The following ANKRD6 variants were observed in gnomAD, a reference collection of about 807,000 sequenced individuals.
ANKRD6 encodes the protein ankyrin repeat domain 6, also known as ankyrin repeat domain-containing protein 6.
Under a neutral mutation model 82.3 loss-of-function variants are expected in ANKRD6, and 56 were observed. That is an observed-to-expected ratio of 0.68 (90% CI 0.55 to 0.85). The LOEUF is 0.85. Ranked by LOEUF, ANKRD6 falls within the 40% of genes least tolerant of loss-of-function variation. The pLI is 0.00. For missense variants in ANKRD6, 852 were observed against 907.6 expected, an observed-to-expected ratio of 0.94 and a Z score of 0.79; for synonymous variants, 347 against 352.1, an observed-to-expected ratio of 0.99 and a Z score of 0.16.
rs529180254 is a variant in ANKRD6 at position 89,556,147 on chromosome 6, T to A, written c.-143-10687T>A. ...CACAGTGGCAGTGGCTCCTACTGCA[T>A]TGCAGCTCAGCTGTCTGTTCTCAAC... On this transcript the variant is annotated intron_variant, in intron 1 of 15. Transcript: ENST00000339746. Among the ~76,000 whole-genome samples, 5 of 152,360 alleles carry A rather than the reference T, an allele frequency of 3.3e-5. No individual in the cohort carries two copies. In the East Asian group the frequency reaches 7.7e-4, roughly 23 times the overall value.
At chr6:89,585,306 C>T (rs949613301) in intron 2 of ANKRD6, among the ~76,000 whole-genome samples, 9 of 152,176 alleles carry the variant, frequency 5.9e-5, no homozygotes, top group African/African-American at 1.9e-4. Flanking sequence ...AGGAACAAGA[C>T]AGGGTGTCTG....
chr6:89,607,712 A>G (rs558019944), intron 5 of ANKRD6, among the ~76,000 whole-genome samples: 1 of 151,090 alleles, frequency 6.6e-6, no homozygotes, highest in African/African-American at 2.4e-5. Flanking sequence ...CTGGAGTGCA[A>G]TGGCACACTG....
At chr6:89,575,754 T>G (rs901659613) in intron 2 of ANKRD6, among the ~76,000 whole-genome samples, 2 of 152,176 alleles carry the variant, frequency 1.3e-5, no homozygotes, top group Admixed American at 1.3e-4. Flanking sequence ...AAGTGACTTG[T>G]TCAAATAGGG....
intron 1 of ANKRD6, among the ~76,000 whole-genome samples, chr6:89,564,146 A>G (rs1787979087): frequency 6.6e-6 from 1 of 152,142 alleles, no homozygotes; most frequent in African/African-American, 2.4e-5. Context: ...TAGGAATTGG[A>G]AAGCTGGGGT....
chr6:89,463,647 C>A (rs1774477396), intron 1 of ANKRD6, among the ~76,000 whole-genome samples: 1 of 152,104 alleles, frequency 6.6e-6, no homozygotes, highest in Non-Finnish European at 1.5e-5. Flanking sequence ...CTCCTGGGTT[C>A]AAGCAATTCT....
At position 89,616,527 on chromosome 6, in the gene ANKRD6, T is replaced by G. The variant is rs773242996; in HGVS notation, c.616-32T>G. On this transcript the variant is annotated intron_variant, in intron 7 of 15. Transcript: ENST00000339746. ...CTGGGGGCTGTAGGCCATGAGCAGATGAGGTTTAGCAGACCTTCTAATCAA... is the reference window on the plus strand; with the variant it reads ...CTGGGGGCTGTAGGCCATGAGCAGAGGAGGTTTAGCAGACCTTCTAATCAA... 3.4e-5 allele frequency: 55 copies of G among 1,604,584 alleles called. No individual in the cohort carries two copies. The South Asian group carries it at 5.8e-4, about 17-fold the overall frequency.
At chr6:89,617,667 C>G (rs1429494418) in intron 8 of ANKRD6, among the ~76,000 whole-genome samples, 1 of 152,194 alleles carries the variant, frequency 6.6e-6, no homozygotes, top group South Asian at 2.1e-4. Context: ...GTGGGTGGTA[C>G]CCAGGCCTTG....
At chr6:89,503,261 G>A (rs1779461230) in intron 1 of ANKRD6, among the ~76,000 whole-genome samples, 1 of 152,194 alleles carries the variant, frequency 6.6e-6, no homozygotes, top group South Asian at 2.1e-4. Flanking sequence ...TCAGAAATGG[G>A]GTCCCACTGC....
chr6:89,436,478 T>A (rs1770651862), intron 1 of ANKRD6, among the ~76,000 whole-genome samples: 1 of 152,256 alleles, frequency 6.6e-6, no homozygotes, highest in South Asian at 2.1e-4. Flanking sequence ...TTGCCCATTT[T>A]AATTTGCTAT....
intron 1 of ANKRD6, among the ~76,000 whole-genome samples, chr6:89,461,832 A>T (rs1298825085): frequency 6.6e-6 from 1 of 152,192 alleles, no homozygotes; most frequent in East Asian, 1.9e-4. Flanking sequence ...TAAATTGAGT[A>T]GTTGTCACAC....
At chr6:89,559,971 A>G (rs1787159142) in intron 1 of ANKRD6, among the ~76,000 whole-genome samples, 1 of 152,192 alleles carries the variant, frequency 6.6e-6, no homozygotes, top group African/African-American at 2.4e-5. Context: ...CTAAAAATAA[A>G]TTGATTATTG....
intron 1 of ANKRD6, among the ~76,000 whole-genome samples, chr6:89,559,963 A>G (rs1157583422): frequency 6.6e-6 from 1 of 152,194 alleles, no homozygotes; most frequent in Non-Finnish European, 1.5e-5. Context: ...ATTGATGACT[A>G]AAAATAAATT....
At chr6:89,454,983 G>C (rs1467600373) in intron 1 of ANKRD6, among the ~76,000 whole-genome samples, 1 of 151,996 alleles carries the variant, frequency 6.6e-6, no homozygotes, top group East Asian at 1.9e-4. Context: ...TGGAATTACA[G>C]GTGTGTGCCA....
chr6:89,624,664 G>A lies in ANKRD6; in HGVS notation c.1344G>A (p.Gly448=). The change falls in exon 13 of 16, where the codon GGG becomes GGA. Residue 448 remains glycine (G), a synonymous_variant. Coordinates refer to ENST00000339746, the MANE Select transcript of ANKRD6 (RefSeq NM_001242809.2). ...SVQDKMNTKL[G]QMENKTQHQM... Reference sequence around the variant, plus strand: ...AGGACAAAATGAATACAAAGCTGGGGCAGATGGAGAATAAGACCCAGCACC... The same window carrying A: ...AGGACAAAATGAATACAAAGCTGGGACAGATGGAGAATAAGACCCAGCACC... 2 of 1,601,596 alleles carry A rather than the reference G, an allele frequency of 1.2e-6. No homozygotes were observed. The highest frequency in any genetic ancestry group is 1.7e-6 in the Non-Finnish European group (2 of 1,173,940).
intron 1 of ANKRD6, among the ~76,000 whole-genome samples, chr6:89,500,972 CTTTTTT>C (rs35877637): frequency 3.3e-5 from 4 of 121,814 alleles, no homozygotes; most frequent in African/African-American, 9.1e-5. Flanking sequence ...CCCAATTAGT[CTTTTTT>C]TTTTTTTTTT....
chr6:89,578,022 GGGCCTC>G, intron 2 of ANKRD6, among the ~76,000 whole-genome samples: 1 of 152,304 alleles, frequency 6.6e-6, no homozygotes, highest in South Asian at 2.1e-4. Flanking sequence ...ACAAACCCCA[GGGCCTC>G]AAAGAGCTTG....
chr6:89,541,721 T>C (rs1036306071), intron 1 of ANKRD6, among the ~76,000 whole-genome samples: 2 of 151,902 alleles, frequency 1.3e-5, no homozygotes, highest in Non-Finnish European at 2.9e-5. Context: ...TGTTGGCATA[T>C]AGAAATACTG....
chr6:89,540,885 C>A (rs1784372336), intron 1 of ANKRD6, among the ~76,000 whole-genome samples: 1 of 152,184 alleles, frequency 6.6e-6, no homozygotes, highest in African/African-American at 2.4e-5. Context: ...AAAAGACGAT[C>A]TTTCCCCCAG....
At chr6:89,590,493 G>A (rs1411965307) in intron 2 of ANKRD6, among the ~76,000 whole-genome samples, 3 of 152,174 alleles carry the variant, frequency 2.0e-5, no homozygotes, top group African/African-American at 7.2e-5. Context: ...CTCCCCAGGA[G>A]AGCCAGATGC....
Sources: gnomAD v4.1 joint callset for allele counts (sites outside exome capture counted in the v4.1 genomes callset) on GRCh38, gnomAD v4.1.1 for gene constraint, MANE v1.5 for transcripts, NCBI Gene and HGNC (gene_info 2026-07-23, HGNC 2026-07-21) for gene names.